C11orf65: variants seen among roughly 807,000 people sequenced by gnomAD.
C11orf65 encodes the protein protein MFI.
In C11orf65, 38 loss-of-function variants were observed where a neutral mutation model predicts 35.3. The observed-to-expected ratio is 1.08, with a 90% CI of 0.83 to 1.41. C11orf65 has a LOEUF of 1.41. Among genes scored for constraint, C11orf65 ranks in the 40% most tolerant of loss-of-function variants. C11orf65 has a pLI of 0.00. For missense variants in C11orf65, 370 were observed against 367.1 expected (o/e 1.01, Z -0.06); for synonymous variants, 105 against 114.4 (o/e 0.92, Z 0.53).
chr11:108,361,674 C>G (rs1232909595), intron 2 of C11orf65, among the ~76,000 whole-genome samples: 1 of 151,602 alleles, frequency 6.6e-6, no homozygotes, highest in Non-Finnish European at 1.5e-5. Flanking sequence ...CTTTGACAAA[C>G]CTGAGAAAAA....
At chr11:108,449,658 T>C (rs2093319175) in intron 2 of C11orf65, among the ~76,000 whole-genome samples, 1 of 151,974 alleles carries the variant, frequency 6.6e-6, no homozygotes, top group South Asian at 2.1e-4. Flanking sequence ...AAGACTTACA[T>C]GTTAGACCTA....
intron 2 of C11orf65, among the ~76,000 whole-genome samples, chr11:108,337,197 A>T (rs768531107): frequency 2.0e-5 from 3 of 152,242 alleles, no homozygotes; most frequent in Non-Finnish European, 4.4e-5. Flanking sequence ...GACTAAATAT[A>T]AAACTTATTG....
At chr11:108,403,936 G>T (rs929043467) in intron 6 of C11orf65, among the ~76,000 whole-genome samples, 4 of 152,182 alleles carry the variant, frequency 2.6e-5, no homozygotes, top group African/African-American at 9.6e-5. Flanking sequence ...TTGCTCACCT[G>T]ATTATTAAGA....
intron 6 of C11orf65, among the ~76,000 whole-genome samples, chr11:108,404,901 T>A (rs2092511267): frequency 6.6e-6 from 1 of 152,234 alleles, no homozygotes; most frequent in Non-Finnish European, 1.5e-5. Flanking sequence ...TTAGTTATGA[T>A]GGCCACAAAA....
intron 2 of C11orf65, among the ~76,000 whole-genome samples, chr11:108,350,780 G>C (rs2089102036): frequency 6.6e-6 from 1 of 152,166 alleles, no homozygotes. Context: ...ATGCAAATTA[G>C]AGGTAGGAGT....
chr11:108,407,853 A>T (rs1432073902), intron 3 of C11orf65, among the ~76,000 whole-genome samples: 2 of 148,348 alleles, frequency 1.3e-5, no homozygotes, highest in Non-Finnish European at 3.0e-5. Flanking sequence ...AATGGCACGA[A>T]CCCAGGAGGC....
intron 2 of C11orf65, chr11:108,340,355 G>A (rs916799370): frequency 6.6e-6 from 1 of 152,086 alleles, no homozygotes; most frequent in Non-Finnish European, 1.5e-5. Context: ...AAACATTTCA[G>A]TGTGTAGATC....
At chr11:108,465,372 T>C (rs2093522422) in intron 1 of C11orf65, among the ~76,000 whole-genome samples, 1 of 152,188 alleles carries the variant, frequency 6.6e-6, no homozygotes, top group African/African-American at 2.4e-5. Flanking sequence ...AGAGGAAATA[T>C]ATTCCAGCAT....
At chr11:108,329,442 T>C (rs989009534), downstream of C11orf65, 3 of 569,228 alleles carry the variant, frequency 5.3e-6, no homozygotes, top group African/African-American at 1.9e-5. Flanking sequence ...GGTCTCACTC[T>C]GTCACCCAGG....
chr11:108,464,324 G>C (rs936035642), intron 1 of C11orf65, among the ~76,000 whole-genome samples: 6 of 146,194 alleles, frequency 4.1e-5, no homozygotes, highest in African/African-American at 9.7e-5. Context: ...CTGAGACGGA[G>C]TCTCGCTCTG....
intron 1 of C11orf65, among the ~76,000 whole-genome samples, chr11:108,463,212 T>C (rs913765861): frequency 3.3e-5 from 5 of 150,984 alleles, no homozygotes; most frequent in Admixed American, 2.7e-4. Flanking sequence ...CCCTGACCTA[T>C]TTAAACATAT....
At chr11:108,364,681 C>T (rs1235402166) in intron 2 of C11orf65, among the ~76,000 whole-genome samples, 2 of 152,192 alleles carry the variant, frequency 1.3e-5, no homozygotes, top group African/African-American at 4.8e-5. Flanking sequence ...CTTGCTGGTG[C>T]TCTCCAGTTC....
chr11:108,446,309 C>A (rs1300005810), intron 2 of C11orf65, among the ~76,000 whole-genome samples: 1 of 151,208 alleles, frequency 6.6e-6, no homozygotes, highest in Non-Finnish European at 1.5e-5. Context: ...TTGAGAAGAG[C>A]AACTCCAAGA....
chr11:108,405,540 C>A lies in C11orf65; in HGVS notation c.449G>T (p.Gly150Val). The A allele has an allele frequency of 1.2e-6, 2 of 1,613,204 alleles. No individual in the cohort carries two copies. The highest frequency in any genetic ancestry group is 1.1e-5 in the South Asian group (1 of 90,796). ...VSDTFWLSTD[G>V]MVVEDKKESE... is the part of the protein sequence containing the mutation. ...TTCCTTTTTGTCTTCCACCACCATACCATCAGTAGATAGCCAAAACTATTG... is the reference window on the plus strand; with the variant it reads ...TTCCTTTTTGTCTTCCACCACCATAACATCAGTAGATAGCCAAAACTATTG... The change falls in exon 6 of 9, where the codon GGT becomes GTT. Residue 150 changes from glycine to valine, a missense_variant. Physicochemically the swap from Gly to Val is moderately radical, Grantham distance 109 (BLOSUM62 -3). Coordinates refer to ENST00000393084, the MANE Select transcript of C11orf65 (RefSeq NM_152587.5).
At chr11:108,309,611 A>G (rs901785114) in intron 6 of C11orf65, among the ~76,000 whole-genome samples, 1 of 152,208 alleles carries the variant, frequency 6.6e-6, no homozygotes, top group African/African-American at 2.4e-5. Flanking sequence ...CTAGTTTTGA[A>G]AAAGATACTA....
intron 3 of C11orf65, chr11:108,333,005 C>T (rs1050188848): frequency 1.4e-5 from 19 of 1,398,318 alleles, no homozygotes; most frequent in African/African-American, 4.3e-5. Context: ...AAATCACAAA[C>T]GTAATCCAAA....
At chr11:108,407,614 T>A (rs1236594771) in intron 3 of C11orf65, among the ~76,000 whole-genome samples, 1 of 151,688 alleles carries the variant, frequency 6.6e-6, no homozygotes, top group Non-Finnish European at 1.5e-5. Context: ...GCCACTGTGC[T>A]CAGCCATTAA....
chr11:108,332,994 A>T (rs2086446635), intron 3 of C11orf65: 2 of 1,461,318 alleles, frequency 1.4e-6, no homozygotes, highest in Non-Finnish European at 1.9e-6. Context: ...AAATCTGCTT[A>T]AAATCACAAA....
intron 2 of C11orf65, among the ~76,000 whole-genome samples, chr11:108,360,294 G>T (rs1463654776): frequency 6.6e-6 from 1 of 152,054 alleles, no homozygotes; most frequent in Non-Finnish European, 1.5e-5. Context: ...TGAAATTGTG[G>T]CAATAATCAA....
Sources: gnomAD v4.1 joint callset for allele counts (sites outside exome capture counted in the v4.1 genomes callset) on GRCh38, gnomAD v4.1.1 for gene constraint, MANE v1.5 for transcripts, NCBI Gene and HGNC (gene_info 2026-07-23, HGNC 2026-07-21) for gene names.